PCDHAC1: variants seen among roughly 807,000 people sequenced by gnomAD.
PCDHAC1 encodes the protein protocadherin alpha subfamily C, 1, also known as protocadherin alpha-C1.
A neutral mutation model predicts 60.0 loss-of-function variants in PCDHAC1; 42 were observed. That is an observed-to-expected ratio of 0.70 (90% CI 0.55 to 0.90). The LOEUF (loss-of-function observed/expected upper bound fraction) is 0.90. PCDHAC1 is among the 40% of genes least tolerant of loss of function. The probability of loss-of-function intolerance (pLI) is 0.00; values close to 1 mark genes in which losing one functional copy is unlikely to be tolerated. For missense variants in PCDHAC1, 1,160 were observed against 1,222.3 expected, an observed-to-expected ratio of 0.95 and a Z score of 0.76; for synonymous variants, 468 against 499.3, an observed-to-expected ratio of 0.94 and a Z score of 0.84.
rs1269250825 is a variant in PCDHAC1 at position 140,926,705 on chromosome 5, G to A, written c.-188G>A. Reference sequence around the variant, plus strand: ...AGCCTAGCAAGCCCGGCTCCCAGCTGGCCAGCCCCGGCAATGCCGGCGTTC... The same window carrying A: ...AGCCTAGCAAGCCCGGCTCCCAGCTAGCCAGCCCCGGCAATGCCGGCGTTC... On this transcript the variant is annotated 5_prime_UTR_variant, in exon 1 of 4. Transcript: ENST00000253807. The A allele has an allele frequency of 2.4e-6, 2 of 849,690 alleles. No individual in the cohort carries two copies. Among genetic ancestry groups the A allele is most frequent in the Non-Finnish European group, 3.3e-6 (2 of 603,374 alleles). The allele number at this position is 849,690 out of a possible 1,614,324, so 52.6% of individuals were successfully genotyped here.
At chr5:140,998,049 ACAT>A (rs782468760) in intron 3 of PCDHAC1, among the ~76,000 whole-genome samples, 4 of 152,194 alleles carry the variant, frequency 2.6e-5, no homozygotes, top group Admixed American at 6.5e-5. Flanking sequence ...TAACTCAGTG[ACAT>A]CATCATCAAC....
At chr5:140,937,023 A>G (rs2091268625) in intron 1 of PCDHAC1, among the ~76,000 whole-genome samples, 1 of 150,410 alleles carries the variant, frequency 6.6e-6, no homozygotes. Flanking sequence ...TTAACAAGGT[A>G]TATTCTTCCA....
intron 1 of PCDHAC1, among the ~76,000 whole-genome samples, chr5:140,935,915 CAG>C (rs2090644404): frequency 7.6e-6 from 1 of 131,048 alleles, no homozygotes; most frequent in Non-Finnish European, 1.6e-5. Flanking sequence ...TTTTTTGAGA[CAG>C]ATTCTCATTC....
chr5:140,980,259 G>T (rs1200649581), intron 2 of PCDHAC1, among the ~76,000 whole-genome samples: 1 of 152,192 alleles, frequency 6.6e-6, no homozygotes. Flanking sequence ...TAAAAGCATG[G>T]TTTACAGTAC....
intron 1 of PCDHAC1, among the ~76,000 whole-genome samples, chr5:140,941,773 T>G (rs2093165270): frequency 6.6e-6 from 1 of 152,262 alleles, no homozygotes; most frequent in South Asian, 2.1e-4. Context: ...GATAATTGTT[T>G]TAATGTTTTA....
intron 3 of PCDHAC1, among the ~76,000 whole-genome samples, chr5:140,990,310 C>A (rs1371432693): frequency 3.9e-5 from 6 of 152,110 alleles, no homozygotes; most frequent in African/African-American, 1.2e-4. Context: ...CTGTAAAAAA[C>A]CAACCAAACA....
intron 1 of PCDHAC1, among the ~76,000 whole-genome samples, chr5:140,935,942 G>A (rs2090659965): frequency 6.8e-6 from 1 of 147,088 alleles, no homozygotes; most frequent in Non-Finnish European, 1.5e-5. Flanking sequence ...GCCCAGGCTG[G>A]AGTAAAGTGG....
In PCDHAC1 at chr5:141,010,294, C is replaced by T. The variant is rs545906858; in HGVS notation, c.*357C>T. ...TCCTGTCTTGATGACACTTGCAGGG[C>T]AGGCTGAAAAGTTTTGAGATTGAGC... On this transcript the variant is annotated 3_prime_UTR_variant, in exon 4 of 4. Coordinates refer to ENST00000253807, the MANE Select transcript of PCDHAC1 (RefSeq NM_018898.5). 3.2e-6 allele frequency: 5 copies of T among 1,549,782 alleles called. No homozygotes were observed. Among genetic ancestry groups the T allele is most frequent in the Non-Finnish European group, 4.4e-6 (5 of 1,146,446 alleles).
At chr5:140,947,027 A>G (rs554018076) in intron 1 of PCDHAC1, among the ~76,000 whole-genome samples, 2 of 151,820 alleles carry the variant, frequency 1.3e-5, no homozygotes, top group African/African-American at 2.4e-5. Context: ...GAGGTAATGG[A>G]TATACTAATT....
intron 2 of PCDHAC1, among the ~76,000 whole-genome samples, 188 bp downstream of exon 2, chr5:140,979,195 T>C (rs1554240340): frequency 1.3e-5 from 2 of 152,232 alleles, no homozygotes; most frequent in African/African-American, 4.8e-5. Context: ...GCCAGATGCT[T>C]ATCAAGTGCT....
chr5:140,928,975 T>C lies in PCDHAC1; in HGVS notation c.2083T>C (p.Phe695Leu), dbSNP rs2085693610. 1.9e-6 allele frequency: 3 copies of C among 1,613,806 alleles called. No individual in the cohort carries two copies. Among genetic ancestry groups the C allele is most frequent in the African/African-American group, 1.3e-5 (1 of 74,906 alleles). The change falls in exon 1 of 4, where the codon TTT becomes CTT. Residue 695 changes from phenylalanine (F) to leucine (L), a missense_variant. Phe to Leu is a conservative substitution (Grantham distance 22). This residue lies in a region of PCDHAC1 where 1,113 missense variants were observed against 1,163.7 expected (regional missense o/e 0.96). Coordinates refer to ENST00000253807, the MANE Select transcript of PCDHAC1 (RefSeq NM_018898.5). ...VIALACISFL[F>L]LGCLLFFVCT... ...TGCCTTGGCTTGTATTTCCTTTTTA[T>C]TTCTGGGGTGCTTACTTTTCTTCGT...
chr5:140,937,953 T>G (rs955302275), intron 1 of PCDHAC1, among the ~76,000 whole-genome samples: 5 of 152,174 alleles, frequency 3.3e-5, no homozygotes, highest in South Asian at 2.1e-4. Flanking sequence ...TGGCTTTTGT[T>G]GAAAGTATAT....
At position 140,927,762 on chromosome 5, in the gene PCDHAC1, T is replaced by A. The variant is rs781993567; in HGVS notation, c.870T>A (p.Ser290Arg). 29 of 1,613,934 alleles carry A rather than the reference T, an allele frequency of 1.8e-5. No individual in the cohort carries two copies. The highest frequency in any genetic ancestry group is 2.4e-5 in the Non-Finnish European group (28 of 1,179,952). Residue 290 changes from serine (S) to arginine (R), a missense_variant, in exon 1 of 4, where the codon AGT becomes AGA. Coordinates refer to ENST00000253807, the MANE Select transcript of PCDHAC1 (RefSeq NM_018898.5). ...LRHRFHVHPK[S>R]GEVQVAASLG... ...ACCGCTTTCACGTGCACCCTAAAAG[T>A]GGGGAGGTGCAAGTAGCTGCTTCAC...
intron 3 of PCDHAC1, among the ~76,000 whole-genome samples, chr5:140,999,218 C>T (rs1410560466): frequency 6.6e-6 from 1 of 152,180 alleles, no homozygotes; most frequent in Non-Finnish European, 1.5e-5. Context: ...GGAAGTACTA[C>T]ATTTGAGAAT....
chr5:140,967,833 T>C, intron 1 of PCDHAC1: 1 of 1,614,132 alleles, frequency 6.2e-7, no homozygotes, highest in Non-Finnish European at 8.5e-7. Context: ...GTGGACATCG[T>C]GGACGTGAAT....
chr5:140,978,506 C>T (rs914101151), intron 1 of PCDHAC1, among the ~76,000 whole-genome samples: 22 of 152,244 alleles, frequency 1.4e-4, no homozygotes, highest in African/African-American at 4.1e-4. Context: ...GATTGCAGTC[C>T]TCTGCAGTCC....
intron 3 of PCDHAC1, among the ~76,000 whole-genome samples, chr5:140,999,478 T>C (rs2097859281): frequency 6.6e-6 from 1 of 152,172 alleles, no homozygotes; most frequent in Non-Finnish European, 1.5e-5. Flanking sequence ...AGATTCCAAC[T>C]CAAGTCTATG....
At position 140,967,010 on chromosome 5, in the gene PCDHAC1, C is replaced by T. The variant is rs781936791; in HGVS notation, c.2434-11939C>T. 7 of 1,606,340 alleles carry T rather than the reference C, an allele frequency of 4.4e-6. No individual in the cohort carries two copies. In the South Asian group the frequency reaches 6.6e-5, roughly 15 times the overall value. On this transcript the variant is annotated intron_variant, in intron 1 of 3. Coordinates refer to ENST00000253807, the MANE Select transcript of PCDHAC1 (RefSeq NM_018898.5). ...GCCGGGTTGCTTGCGCATCAACCAT[C>T]TGGGTGCGCCCAGTCCGCGCTACCT...
In PCDHAC1 at chr5:141,000,416, TATATA is replaced by T. The variant is rs1214257718; in HGVS notation, c.2582-9210_2582-9206del. On this transcript the variant is annotated intron_variant, in intron 3 of 3. Coordinates refer to ENST00000253807, the MANE Select transcript of PCDHAC1 (RefSeq NM_018898.5). ...CTCTCTATATATATATATATATATA[TATATA>T]TTTTTTTTTTTTTTTTTTTTTTTGA... 2.1e-3 allele frequency among the ~76,000 whole-genome samples: 195 copies of T among 93,382 alleles called. 1 individual carries two copies. Among genetic ancestry groups the T allele is most frequent in the African/African-American group, 4.2e-3 (94 of 22,362 alleles). 61.3% of individuals were successfully genotyped at this position (93,382 alleles called of 152,430 possible). A position where few individuals can be genotyped will look rare whatever the true frequency, so the allele number is the denominator to read the frequency against.
Sources: gnomAD v4.1 joint callset for allele counts (sites outside exome capture counted in the v4.1 genomes callset) on GRCh38, gnomAD v4.1.1 for gene constraint, gnomAD v4.1.1 regional missense constraint, MANE v1.5 for transcripts, NCBI Gene and HGNC (gene_info 2026-07-23, HGNC 2026-07-21) for gene names.